Variants in ASTN2 observed in about 807,000 individuals in gnomAD.
ASTN2 encodes astrotactin-2.
Under a neutral mutation model 139.8 loss-of-function variants are expected in ASTN2, and 54 were observed. The ratio of observed to expected loss-of-function variants is 0.39; its 90% confidence interval spans 0.31 to 0.48. The LOEUF is 0.48. ASTN2 is among the 20% of genes least tolerant of loss of function. The pLI is 0.95. For synonymous variants in ASTN2, 756 were observed against 719.5 expected (o/e 1.05, Z -0.81); for missense variants, 1,565 against 1,725.1 (o/e 0.91, Z 1.64).
chr9:117,062,263 T>C (rs1166513696), intron 5 of ASTN2, among the ~76,000 whole-genome samples: 1 of 152,150 alleles, frequency 6.6e-6, no homozygotes, highest in Non-Finnish European at 1.5e-5. Context: ...CAGTCACCAT[T>C]AGAGGATCTT....
chr9:117,211,291 G>A (rs187479875), intron 3 of ASTN2, among the ~76,000 whole-genome samples: 37 of 152,308 alleles, frequency 2.4e-4, no homozygotes, highest in South Asian at 1.0e-3. Flanking sequence ...TCTTAGAAAT[G>A]TGATATGGTT....
chr9:117,103,741 T>C (rs1160688327), intron 4 of ASTN2, among the ~76,000 whole-genome samples: 1 of 152,110 alleles, frequency 6.6e-6, no homozygotes, highest in Non-Finnish European at 1.5e-5. Context: ...CCCAGAACTG[T>C]GCCAGATAAA....
intron 3 of ASTN2, among the ~76,000 whole-genome samples, chr9:117,201,130 C>T (rs1052795406): frequency 1.3e-5 from 2 of 148,440 alleles, no homozygotes; most frequent in African/African-American, 5.0e-5. Flanking sequence ...GGAATTTATT[C>T]ATTTCTTCTA....
intron 20 of ASTN2, among the ~76,000 whole-genome samples, chr9:116,486,098 C>A (rs62575433): frequency 0.15 from 23,542 of 152,122 alleles, 2,274 homozygotes; most frequent in Middle Eastern, 0.24. Context: ...TTATAAGAGA[C>A]CTATAGGGGT....
At chr9:116,600,745 T>G (rs1289676011) in intron 19 of ASTN2, among the ~76,000 whole-genome samples, 4 of 152,192 alleles carry the variant, frequency 2.6e-5, no homozygotes, top group African/African-American at 9.7e-5. Context: ...CTATAGTCCC[T>G]TCTTTTTAAA....
intron 3 of ASTN2, among the ~76,000 whole-genome samples, chr9:117,187,290 C>A (rs114885026): frequency 6.6e-6 from 1 of 152,006 alleles, no homozygotes; most frequent in Non-Finnish European, 1.5e-5. Flanking sequence ...ACTGGGGGAA[C>A]AAGCCATGCA....
At chr9:116,533,472 G>C (rs768274449) in intron 19 of ASTN2, among the ~76,000 whole-genome samples, 19 of 152,018 alleles carry the variant, frequency 1.2e-4, no homozygotes, top group Non-Finnish European at 2.5e-4. Context: ...GTTTTTGTCT[G>C]TTCAGTATGA....
chr9:117,204,528 G>C (rs1444324652), intron 3 of ASTN2, among the ~76,000 whole-genome samples: 2 of 147,626 alleles, frequency 1.4e-5, no homozygotes, highest in African/African-American at 5.0e-5. Context: ...CAGACAGAAA[G>C]AGAAACTGAT....
chr9:116,943,086 T>C (rs2132472532), intron 10 of ASTN2, among the ~76,000 whole-genome samples: 1 of 152,330 alleles, frequency 6.6e-6, no homozygotes, highest in East Asian at 1.9e-4. Flanking sequence ...GTACCAGGTC[T>C]TGTTGCCAGT....
chr9:116,843,216 T>A (rs1231775989), intron 11 of ASTN2, among the ~76,000 whole-genome samples: 1 of 152,092 alleles, frequency 6.6e-6, no homozygotes, highest in Non-Finnish European at 1.5e-5. Flanking sequence ...GGATTGGATT[T>A]AAAAAAATGT....
chr9:116,939,722 AC>A (rs1835174183), intron 10 of ASTN2, among the ~76,000 whole-genome samples: 1 of 152,212 alleles, frequency 6.6e-6, no homozygotes, highest in African/African-American at 2.4e-5. Flanking sequence ...TGAATACAAT[AC>A]CAATGTGGTC....
intron 7 of ASTN2, among the ~76,000 whole-genome samples, chr9:116,982,870 T>C (rs1487408367): frequency 6.6e-6 from 1 of 152,166 alleles, no homozygotes; most frequent in African/African-American, 2.4e-5. Context: ...GTTGCCTGTG[T>C]CCATGGCAGC....
chr9:117,293,324 G>A (rs1290984223), intron 1 of ASTN2, among the ~76,000 whole-genome samples: 1 of 152,088 alleles, frequency 6.6e-6, no homozygotes. Context: ...TCTATTCTCA[G>A]CCAGGAGCCA....
intron 1 of ASTN2, among the ~76,000 whole-genome samples, chr9:117,308,457 C>T (rs2130810842): frequency 6.6e-6 from 1 of 152,256 alleles, no homozygotes; most frequent in Non-Finnish European, 1.5e-5. Context: ...GTATGGAGCA[C>T]ATCTGCTTGC....
intron 20 of ASTN2, among the ~76,000 whole-genome samples, chr9:116,483,457 G>A (rs1849237987): frequency 6.6e-6 from 1 of 152,062 alleles, no homozygotes; most frequent in Non-Finnish European, 1.5e-5. Flanking sequence ...AGAGGGAGTT[G>A]GGGTTGGAGT....
At chr9:117,224,866 T>C (rs1444260540) in intron 2 of ASTN2, among the ~76,000 whole-genome samples, 2 of 152,158 alleles carry the variant, frequency 1.3e-5, no homozygotes, top group African/African-American at 2.4e-5. Context: ...AAGTACCACC[T>C]GTTAGGTCTT....
At chr9:116,857,247 T>C (rs982020456) in intron 11 of ASTN2, among the ~76,000 whole-genome samples, 21 of 152,194 alleles carry the variant, frequency 1.4e-4, no homozygotes, top group Non-Finnish European at 2.9e-5. Context: ...AGGTGATAAT[T>C]ATAGGCATTA....
At chr9:117,146,475 G>GAAAAAAAAA (rs61356397) in intron 3 of ASTN2, among the ~76,000 whole-genome samples, 1 of 120,674 alleles carries the variant, frequency 8.3e-6, no homozygotes, top group Non-Finnish European at 1.7e-5. Context: ...GAAGAGGAGA[G>GAAAAAAAAA]AAAAAAAAAA....
chr9:116,520,129 G>A (rs73522483), intron 19 of ASTN2, among the ~76,000 whole-genome samples: 1,980 of 151,774 alleles, frequency 0.013, 38 homozygotes, highest in African/African-American at 0.045. Flanking sequence ...AGATAAAGAG[G>A]GAATCCTCCG....
Sources: allele counts gnomAD v4.1 joint callset (sites outside exome capture counted in the v4.1 genomes callset), GRCh38; gene constraint gnomAD v4.1.1; transcripts MANE v1.5; gene names NCBI Gene and HGNC (gene_info 2026-07-23, HGNC 2026-07-21).